SEL1L2: variants seen among roughly 807,000 people sequenced by gnomAD.
SEL1L2 encodes protein sel-1 homolog 2.
A neutral mutation model predicts 98.8 loss-of-function variants in SEL1L2; 89 were observed. The observed-to-expected ratio is 0.90, with a 90% CI of 0.76 to 1.07. SEL1L2 has a LOEUF of 1.07. Among genes scored for constraint, SEL1L2 ranks in the 50% least tolerant of loss-of-function variants. The pLI is 0.00. For synonymous variants in SEL1L2, 262 were observed against 278.5 expected (o/e 0.94, Z 0.59); for missense variants, 788 against 812.0 (o/e 0.97, Z 0.36).
In SEL1L2 at chr20:13,876,771, T is replaced by C. The variant is rs558557838; in HGVS notation, c.1027-656A>G. Among the ~76,000 whole-genome samples, 6 of 152,314 alleles carry C rather than the reference T, an allele frequency of 3.9e-5. No homozygotes were observed. In the South Asian group the frequency reaches 8.3e-4, roughly 21 times the overall value. ...TACATATTGGGGAGTGGGGTGGTCA[T>C]AGGCTCATAGCTACGCTCAGAGGAG... is the stretch of plus-strand genomic sequence containing the variant. On this transcript the variant is annotated intron_variant, in intron 11 of 19. Transcript: ENST00000284951.
chr20:13,943,828 G>T (rs1382569538), intron 2 of SEL1L2, among the ~76,000 whole-genome samples: 1 of 152,166 alleles, frequency 6.6e-6, no homozygotes, highest in South Asian at 2.1e-4. Flanking sequence ...TTAGATTGGT[G>T]ATTTAAAAAA....
chr20:13,888,934 C>T, intron 5 of SEL1L2, among the ~76,000 whole-genome samples: 1 of 150,846 alleles, frequency 6.6e-6, no homozygotes, highest in East Asian at 1.9e-4. Context: ...GCGTGAGCCA[C>T]TGCTCCCGGC....
chr20:13,878,962 T>A (rs1394211128), intron 10 of SEL1L2, among the ~76,000 whole-genome samples: 1 of 152,232 alleles, frequency 6.6e-6, no homozygotes, highest in Non-Finnish European at 1.5e-5. Flanking sequence ...CCAGTTCTCC[T>A]ATAAGTTTTT....
At chr20:13,932,438 ATTATTATTT>A (rs765440133) in intron 2 of SEL1L2, among the ~76,000 whole-genome samples, 76 of 87,284 alleles carry the variant, frequency 8.7e-4, no homozygotes, top group South Asian at 5.1e-3. Context: ...TATTATTATT[ATTATTATTT>A]TTTGAGACGA....
upstream of SEL1L2, among the ~76,000 whole-genome samples, chr20:13,994,062 GCACTTTGGGAT>G (rs2052584474): frequency 2.0e-5 from 3 of 151,854 alleles, no homozygotes; most frequent in South Asian, 6.2e-4. Context: ...TGTAATCCCA[GCACTTTGGGAT>G]CACTTGAGGT....
intron 11 of SEL1L2, among the ~76,000 whole-genome samples, chr20:13,877,121 G>A (rs908765276): frequency 9.9e-5 from 15 of 152,080 alleles, no homozygotes; most frequent in Non-Finnish European, 2.1e-4. Context: ...CACCGTGCCC[G>A]GCCAAGGTGC....
chr20:13,928,570 A>G (rs952547237), intron 3 of SEL1L2, among the ~76,000 whole-genome samples: 2 of 152,226 alleles, frequency 1.3e-5, no homozygotes, highest in African/African-American at 4.8e-5. Flanking sequence ...ACAAAATTCT[A>G]AAGATTTCTG....
chr20:13,855,705 C>T (rs117553348), intron 18 of SEL1L2, among the ~76,000 whole-genome samples: 2,419 of 152,298 alleles, frequency 0.016, 39 homozygotes, highest in Non-Finnish European at 0.025. Context: ...TATCTCCTGG[C>T]GCCTTCAGCC....
chr20:13,899,073 A>C (rs1157915789), intron 5 of SEL1L2, among the ~76,000 whole-genome samples: 1 of 152,154 alleles, frequency 6.6e-6, no homozygotes, highest in Non-Finnish European at 1.5e-5. Flanking sequence ...ATTTATTTAT[A>C]TTTAAAAAGA....
chr20:13,858,641 T>C (rs566488992), intron 18 of SEL1L2, among the ~76,000 whole-genome samples: 1 of 152,370 alleles, frequency 6.6e-6, no homozygotes, highest in South Asian at 2.1e-4. Context: ...TGATGTCATC[T>C]TCTGCCTTAA....
At chr20:13,909,850 G>A (rs985809614) in intron 5 of SEL1L2, among the ~76,000 whole-genome samples, 6 of 151,822 alleles carry the variant, frequency 4.0e-5, no homozygotes, top group South Asian at 2.1e-4. Flanking sequence ...CCGTAGTTCC[G>A]TTCCAGTTAC....
intron 17 of SEL1L2, among the ~76,000 whole-genome samples, chr20:13,862,146 T>G (rs2147787911): frequency 6.6e-6 from 1 of 152,350 alleles, no homozygotes; most frequent in South Asian, 2.1e-4. Flanking sequence ...ATAGAATGAA[T>G]GGATGGACAT....
chr20:13,917,579 T>C (rs75109354), intron 4 of SEL1L2, among the ~76,000 whole-genome samples: 2,138 of 152,242 alleles, frequency 0.014, 52 homozygotes, highest in African/African-American at 0.049. Context: ...ACCAGAATCA[T>C]AGTTGAGTGC....
At chr20:13,914,199 T>C (rs978891057) in intron 4 of SEL1L2, among the ~76,000 whole-genome samples, 1 of 152,170 alleles carries the variant, frequency 6.6e-6, no homozygotes, top group South Asian at 2.1e-4. Flanking sequence ...TCTTATACAC[T>C]GATACAGAAA....
chr20:13,923,854 CT>C (rs1373103965), intron 3 of SEL1L2, among the ~76,000 whole-genome samples: 1 of 152,026 alleles, frequency 6.6e-6, no homozygotes, highest in East Asian at 1.9e-4. Flanking sequence ...ACATTCAAAT[CT>C]TTTTGATTTT....
upstream of SEL1L2, chr20:13,990,682 T>G: frequency 1.6e-6 from 1 of 606,084 alleles, no homozygotes; most frequent in Non-Finnish European, 2.9e-6. Flanking sequence ...GCTGCCAGAG[T>G]GTTCCTTTCA....
chr20:13,852,781 A>G (rs1333140631), intron 18 of SEL1L2, among the ~76,000 whole-genome samples: 6 of 152,228 alleles, frequency 3.9e-5, no homozygotes, highest in Non-Finnish European at 7.3e-5. Flanking sequence ...ATTCTTCTGC[A>G]GTAAAATAGC....
intron 2 of SEL1L2, among the ~76,000 whole-genome samples, chr20:13,950,042 G>A (rs935164489): frequency 3.3e-5 from 5 of 152,158 alleles, no homozygotes; most frequent in African/African-American, 9.7e-5. Flanking sequence ...AGATTTTGAG[G>A]AGATTATGCC....
chr20:13,972,592 T>C (rs2148513438), intron 1 of SEL1L2, among the ~76,000 whole-genome samples: 1 of 152,342 alleles, frequency 6.6e-6, no homozygotes, highest in East Asian at 1.9e-4. Flanking sequence ...AGGTGATAAA[T>C]TTTCTGAATC....
Sources: allele counts gnomAD v4.1 joint callset (sites outside exome capture counted in the v4.1 genomes callset), GRCh38; gene constraint gnomAD v4.1.1; transcripts MANE v1.5; gene names NCBI Gene and HGNC (gene_info 2026-07-23, HGNC 2026-07-21).